Variants in SLC24A3 observed in about 807,000 individuals in gnomAD.
SLC24A3 encodes solute carrier family 24 member 3, also known as sodium/potassium/calcium exchanger 3.
SLC24A3 carries 28 observed loss-of-function variants against 75.8 expected under a neutral mutation model. The ratio of observed to expected loss-of-function variants is 0.37; its 90% CI spans 0.27 to 0.51. The LOEUF (loss-of-function observed/expected upper bound fraction) is 0.51, where lower values mean the gene tolerates loss of function less well. SLC24A3 is among the 20% of genes least tolerant of loss of function. The probability of loss-of-function intolerance (pLI) is 0.94; values close to 1 mark genes in which losing one functional copy is unlikely to be tolerated. For synonymous variants in SLC24A3, 372 were observed against 334.1 expected, an observed-to-expected ratio of 1.11 and a Z score of -1.24; for missense variants, 663 against 847.8, an observed-to-expected ratio of 0.78 and a Z score of 2.71.
At chr20:19,468,729 C>T (rs1260093186) in intron 2 of SLC24A3, among the ~76,000 whole-genome samples, 2 of 152,186 alleles carry the variant, frequency 1.3e-5, no homozygotes, top group African/African-American at 4.8e-5. Flanking sequence ...GTTGTCTTCT[C>T]TGGCCACATA....
At chr20:19,409,974 A>G (rs926944159) in intron 2 of SLC24A3, among the ~76,000 whole-genome samples, 9 of 152,036 alleles carry the variant, frequency 5.9e-5, no homozygotes, top group Middle Eastern at 3.4e-3. Flanking sequence ...CCTTTTTTGC[A>G]TCTTTCAAAT....
At chr20:19,709,771 A>G (rs1007612858) in intron 15 of SLC24A3, among the ~76,000 whole-genome samples, 4 of 152,208 alleles carry the variant, frequency 2.6e-5, no homozygotes, top group African/African-American at 9.7e-5. Context: ...CTCTAAATGC[A>G]GACCTGACCC....
intron 2 of SLC24A3, among the ~76,000 whole-genome samples, chr20:19,412,167 A>C (rs961579907): frequency 3.9e-5 from 6 of 152,126 alleles, no homozygotes; most frequent in South Asian, 2.1e-4. Flanking sequence ...ATCTCTCACT[A>C]TTTTTCTTCA....
chr20:19,301,424 C>T (rs1251011295), intron 2 of SLC24A3, among the ~76,000 whole-genome samples: 2 of 152,140 alleles, frequency 1.3e-5, no homozygotes, highest in African/African-American at 2.4e-5. Flanking sequence ...GCCCAGAAAT[C>T]GATAGAATGC....
chr20:19,362,047 G>A (rs10485589), intron 2 of SLC24A3, among the ~76,000 whole-genome samples: 11,018 of 152,098 alleles, frequency 0.072, 1,269 homozygotes, highest in African/African-American at 0.25. Context: ...TTCATGTGTA[G>A]TAAAGACAGC....
At chr20:19,274,925 A>G (rs576153167) in intron 1 of SLC24A3, among the ~76,000 whole-genome samples, 1 of 152,328 alleles carries the variant, frequency 6.6e-6, no homozygotes, top group Non-Finnish European at 1.5e-5. Context: ...ACCAGCCTAG[A>G]GAGCCTGAGT....
intron 12 of SLC24A3, among the ~76,000 whole-genome samples, chr20:19,690,102 G>C (rs571791429): frequency 1.4e-3 from 208 of 146,148 alleles, no homozygotes; most frequent in Non-Finnish European, 1.5e-3. Flanking sequence ...GACTGCCTTT[G>C]TTCCTCAAAA....
intron 3 of SLC24A3, among the ~76,000 whole-genome samples, chr20:19,546,846 G>T (rs1370568320): frequency 6.6e-6 from 1 of 152,174 alleles, no homozygotes; most frequent in Non-Finnish European, 1.5e-5. Context: ...CCTGGGGTCA[G>T]GCTGAGGAAG....
chr20:19,388,416 G>A (rs1986308120), intron 2 of SLC24A3, among the ~76,000 whole-genome samples: 1 of 152,096 alleles, frequency 6.6e-6, no homozygotes, highest in African/African-American at 2.4e-5. Flanking sequence ...TCTGATATAA[G>A]TATAGCTATC....
intron 16 of SLC24A3, 102 bp from the exon 17 acceptor site, chr20:19,720,889 A>G: frequency 2.9e-6 from 4 of 1,379,672 alleles, no homozygotes; most frequent in Non-Finnish European, 3.0e-6. Context: ...CCCGAGGCCC[A>G]TAGTCAGCAG....
In SLC24A3 at chr20:19,311,267, G is replaced by A. The variant is rs138948184; in HGVS notation, c.271+30180G>A. 7.4e-3 allele frequency among the ~76,000 whole-genome samples: 1,120 copies of A among 152,286 alleles called. 4 individuals carry two copies. The highest frequency in any genetic ancestry group is 0.013 in the Admixed American group (193 of 15,304). On this transcript the variant is annotated intron_variant, in intron 2 of 16. Coordinates refer to ENST00000328041, the MANE Select transcript of SLC24A3 (RefSeq NM_020689.4). ...AAGGCTTCAAGAGAACCCCAGGCTT[G>A]CAGTCAGCAACTTTTGGCCAGCAGG...
intron 2 of SLC24A3, among the ~76,000 whole-genome samples, chr20:19,507,606 C>A (rs1701797931): frequency 6.6e-6 from 1 of 152,176 alleles, no homozygotes; most frequent in South Asian, 2.1e-4. Context: ...GGTTTGAAAG[C>A]CACATGCAAT....
At chr20:19,650,212 A>G (rs762048264) in intron 6 of SLC24A3, among the ~76,000 whole-genome samples, 1 of 152,192 alleles carries the variant, frequency 6.6e-6, no homozygotes, top group Admixed American at 6.5e-5. Flanking sequence ...GGCTCTGAAT[A>G]TGCGGCTGAA....
intron 2 of SLC24A3, among the ~76,000 whole-genome samples, chr20:19,378,276 G>A (rs780637462): frequency 2.0e-5 from 3 of 151,586 alleles, no homozygotes; most frequent in Non-Finnish European, 2.9e-5. Context: ...CTTGGCCTAC[G>A]TAGAGGTTTT....
In SLC24A3 at chr20:19,572,440, T is replaced by G. The variant is rs114319336; in HGVS notation, c.349-7560T>G. 1.9e-3 allele frequency among the ~76,000 whole-genome samples: 296 copies of G among 152,224 alleles called. 1 individual carries two copies. Among genetic ancestry groups the G allele is most frequent in the African/African-American group, 7.1e-3 (293 of 41,542 alleles). On this transcript the variant is annotated intron_variant, in intron 3 of 16. Coordinates refer to ENST00000328041, the MANE Select transcript of SLC24A3 (RefSeq NM_020689.4). Reference sequence around the variant, plus strand: ...CTGAAGCTTAATTCAGCTGGGAAACTCTGGAGACAGCCTAGAGTTAGCCCA... The same window carrying G: ...CTGAAGCTTAATTCAGCTGGGAAACGCTGGAGACAGCCTAGAGTTAGCCCA...
chr20:19,660,226 C>G (rs1221232276), intron 7 of SLC24A3, among the ~76,000 whole-genome samples: 1 of 151,872 alleles, frequency 6.6e-6, no homozygotes, highest in African/African-American at 2.4e-5. Context: ...TTTAGCATTC[C>G]CTTCACCGGA....
chr20:19,472,403 C>T (rs1273890838), intron 2 of SLC24A3, among the ~76,000 whole-genome samples: 14 of 152,200 alleles, frequency 9.2e-5, no homozygotes, highest in African/African-American at 3.4e-4. Flanking sequence ...TGGGCTTGCC[C>T]TGGGATGGCA....
At chr20:19,665,818 TG>T in intron 7 of SLC24A3, 45 bp from the exon 8 acceptor site, 1 of 1,534,734 alleles carries the variant, frequency 6.5e-7, no homozygotes, top group Admixed American at 1.9e-5. Context: ...TGTGTGTGTG[TG>T]TGTGTGTGTG....
chr20:19,509,074 T>C (rs904246380), intron 2 of SLC24A3, among the ~76,000 whole-genome samples: 1 of 152,224 alleles, frequency 6.6e-6, no homozygotes, highest in African/African-American at 2.4e-5. Context: ...AGAATAATGA[T>C]ATGTGACCCC....
Sources: gnomAD v4.1 joint callset for allele counts (sites outside exome capture counted in the v4.1 genomes callset) on GRCh38, gnomAD v4.1.1 for gene constraint, MANE v1.5 for transcripts, NCBI Gene and HGNC (gene_info 2026-07-23, HGNC 2026-07-21) for gene names.